GULP1: variants seen among roughly 807,000 people sequenced by gnomAD.
GULP1 encodes the protein PTB domain-containing engulfment adapter protein 1.
In GULP1, 19 loss-of-function variants were observed where a neutral mutation model predicts 40.9. That is an observed-to-expected ratio of 0.46 (90% CI 0.32 to 0.68). GULP1 has a LOEUF of 0.68. Ranked by LOEUF, GULP1 falls within the 30% of genes least tolerant of loss-of-function variation. The pLI is 0.03. For missense variants in GULP1, 312 were observed against 362.2 expected, an observed-to-expected ratio of 0.86 and a Z score of 1.12; for synonymous variants, 119 against 117.6, an observed-to-expected ratio of 1.01 and a Z score of -0.08.
At position 188,569,366 on chromosome 2, in the gene GULP1, T is replaced by C. The variant is rs752276029; in HGVS notation, c.516+11T>C. Reference sequence around the variant, plus strand: ...GGGTTACAAAAAAGAGTGAGTAAACTAAGCTTGTTGTTTTACATTTGTGTG... The same window carrying C: ...GGGTTACAAAAAAGAGTGAGTAAACCAAGCTTGTTGTTTTACATTTGTGTG... On this transcript the variant is annotated intron_variant, in intron 8 of 11. Coordinates refer to ENST00000409830, the MANE Select transcript of GULP1 (RefSeq NM_016315.4). The C allele has an allele frequency of 3.2e-6, 4 of 1,246,784 alleles. No homozygotes were observed. Among genetic ancestry groups the C allele is most frequent in the African/African-American group, 1.5e-5 (1 of 67,778 alleles). 77.2% of individuals were successfully genotyped at this position (1,246,784 alleles called of 1,614,324 possible). A position where few individuals can be genotyped will look rare whatever the true frequency, so the allele number is the denominator to read the frequency against.
chr2:188,545,778 T>C (rs1691779108), intron 7 of GULP1, among the ~76,000 whole-genome samples: 1 of 151,898 alleles, frequency 6.6e-6, no homozygotes, highest in Admixed American at 6.6e-5. Context: ...AGTTAAAATA[T>C]GTTGTTAAGG....
At chr2:188,383,999 T>G (rs1268571008) in intron 2 of GULP1, 110 bp downstream of exon 2, 64 of 152,154 alleles carry the variant, frequency 4.2e-4, no homozygotes, top group Admixed American at 4.2e-3. Context: ...TCTTTTGTTG[T>G]AAAAAATAGT....
rs189558867 is a variant in GULP1 at position 188,464,042 on chromosome 2, T to C, written c.-44-13617T>C. Among the ~76,000 whole-genome samples the C allele has an allele frequency of 1.8e-4, 27 of 152,300 alleles. 1 individual carries two copies. The highest frequency in any genetic ancestry group is 1.4e-3 in the Admixed American group (21 of 15,286). On this transcript the variant is annotated intron_variant, in intron 2 of 11. Coordinates refer to ENST00000409830, the MANE Select transcript of GULP1 (RefSeq NM_016315.4). ...GTCTTATTTAGTTCATTTGGTGAGG[T>C]CATCTTTTCCTGGATCATCTTGATA...
At chr2:188,411,235 C>CGTT (rs1413861317) in intron 2 of GULP1, among the ~76,000 whole-genome samples, 1 of 152,108 alleles carries the variant, frequency 6.6e-6, no homozygotes, top group Non-Finnish European at 1.5e-5. Flanking sequence ...ATTCATCCAT[C>CGTT]GTTGGGTCAG....
At chr2:188,426,699 C>G (rs968359491) in intron 2 of GULP1, among the ~76,000 whole-genome samples, 4 of 152,026 alleles carry the variant, frequency 2.6e-5, no homozygotes, top group Non-Finnish European at 4.4e-5. Flanking sequence ...TTCTTAACCT[C>G]AAAAATGTAG....
intron 2 of GULP1, among the ~76,000 whole-genome samples, chr2:188,423,853 T>C (rs190381282): frequency 4.0e-5 from 6 of 151,890 alleles, no homozygotes; most frequent in Admixed American, 3.9e-4. Context: ...TTTAAAAATA[T>C]ATAATATTTT....
intron 1 of GULP1, among the ~76,000 whole-genome samples, chr2:188,344,948 A>T (rs1024706426): frequency 1.1e-4 from 16 of 152,268 alleles, no homozygotes; most frequent in Admixed American, 5.9e-4. Context: ...GTACTTTTTT[A>T]AAAAAAGTAT....
In GULP1 at chr2:188,396,730, G is replaced by A. The variant is rs73040409; in HGVS notation, c.-45+12841G>A. Among the ~76,000 whole-genome samples the A allele has an allele frequency of 2.6e-3, 399 of 152,236 alleles. 2 individuals carry two copies. The highest frequency in any genetic ancestry group is 9.0e-3 in the African/African-American group (374 of 41,534). On this transcript the variant is annotated intron_variant, in intron 2 of 11. Coordinates refer to ENST00000409830, the MANE Select transcript of GULP1 (RefSeq NM_016315.4). ...TTTCTGGCCAAAGGAATTTGTCCCCGCTCGAGATTATATTGTAAATTTCAG... is the reference window on the plus strand; with the variant it reads ...TTTCTGGCCAAAGGAATTTGTCCCCACTCGAGATTATATTGTAAATTTCAG...
chr2:188,421,685 G>T (rs1011537545), intron 2 of GULP1, among the ~76,000 whole-genome samples: 1 of 152,156 alleles, frequency 6.6e-6, no homozygotes, highest in Non-Finnish European at 1.5e-5. Context: ...TAATATGATA[G>T]ATTATATAGA....
chr2:188,429,830 C>T (rs924933084), intron 2 of GULP1, among the ~76,000 whole-genome samples: 1 of 151,812 alleles, frequency 6.6e-6, no homozygotes, highest in East Asian at 1.9e-4. Flanking sequence ...CCTGCCTCAG[C>T]CTCCCGAGTA....
At chr2:188,560,852 A>C (rs1408041166) in intron 7 of GULP1, among the ~76,000 whole-genome samples, 1 of 152,142 alleles carries the variant, frequency 6.6e-6, no homozygotes, top group Non-Finnish European at 1.5e-5. Flanking sequence ...TCTCATGAGA[A>C]CCTACTCACT....
intron 7 of GULP1, among the ~76,000 whole-genome samples, chr2:188,560,323 G>T (rs1331359644): frequency 6.6e-6 from 1 of 152,080 alleles, no homozygotes; most frequent in Non-Finnish European, 1.5e-5. Context: ...ATTTGCTAAG[G>T]CATAATAAAA....
At chr2:188,370,720 A>C (rs1419185213) in intron 1 of GULP1, among the ~76,000 whole-genome samples, 1 of 152,232 alleles carries the variant, frequency 6.6e-6, no homozygotes, top group Non-Finnish European at 1.5e-5. Context: ...GCTTCTCTGC[A>C]AAGTAAGTCC....
rs372847089 is a variant in GULP1 at position 188,559,138 on chromosome 2, C to G, written c.400-10101C>G. Among the ~76,000 whole-genome samples, 40 of 152,340 alleles carry G rather than the reference C, an allele frequency of 2.6e-4. 1 individual carries two copies. The highest frequency in any genetic ancestry group is 9.4e-4 in the African/African-American group (39 of 41,590). ...ATGTCAGAGGTCTTCACAGCAGTCCCTCCCATCACAGGCCCCGAGGCCTAG... is the reference window on the plus strand; with the variant it reads ...ATGTCAGAGGTCTTCACAGCAGTCCGTCCCATCACAGGCCCCGAGGCCTAG... On this transcript the variant is annotated intron_variant, in intron 7 of 11. Transcript: ENST00000409830.
intron 2 of GULP1, among the ~76,000 whole-genome samples, chr2:188,416,588 T>C (rs1026927638): frequency 2.4e-4 from 37 of 152,168 alleles, no homozygotes; most frequent in Admixed American, 2.0e-3. Flanking sequence ...TTTGTGCTTT[T>C]TAGTCTTGTG....
intron 1 of GULP1, among the ~76,000 whole-genome samples, chr2:188,325,919 T>C (rs1341079759): frequency 1.3e-5 from 2 of 152,310 alleles, no homozygotes; most frequent in East Asian, 3.9e-4. Context: ...GCCACTCATT[T>C]AGTTATTATT....
At chr2:188,472,903 C>T (rs1453600290) in intron 2 of GULP1, among the ~76,000 whole-genome samples, 17 of 152,202 alleles carry the variant, frequency 1.1e-4, no homozygotes, top group Admixed American at 1.0e-3. Flanking sequence ...TCTTTGCAGT[C>T]TGCTCTTGTT....
chr2:188,455,475 G>A (rs1380395484), intron 2 of GULP1, among the ~76,000 whole-genome samples: 1 of 152,136 alleles, frequency 6.6e-6, no homozygotes, highest in African/African-American at 2.4e-5. Flanking sequence ...AAAAATGGGA[G>A]TTTCCCTGAA....
At chr2:188,522,614 A>T in intron 4 of GULP1, 142 bp from the exon 5 acceptor site, 1 of 246,016 alleles carries the variant, frequency 4.1e-6, no homozygotes, top group Non-Finnish European at 7.8e-6. Context: ...ATATAAAAAT[A>T]ATATAAAATA....
Sources: gnomAD v4.1 joint callset for allele counts (sites outside exome capture counted in the v4.1 genomes callset) on GRCh38, gnomAD v4.1.1 for gene constraint, MANE v1.5 for transcripts, NCBI Gene and HGNC (gene_info 2026-07-23, HGNC 2026-07-21) for gene names.